Variants in SRRM4 observed in about 807,000 individuals in gnomAD.
The protein encoded by SRRM4 is serine/arginine repetitive matrix 4, also known as serine/arginine repetitive matrix protein 4.
SRRM4 carries 33 observed loss-of-function variants against 68.9 expected under a neutral mutation model. The ratio of observed to expected loss-of-function variants is 0.48; its 90% confidence interval spans 0.36 to 0.64. The LOEUF is 0.64. SRRM4 is among the 30% of genes least tolerant of loss of function. The probability of loss-of-function intolerance (pLI) is 0.00; values close to 1 mark genes in which losing one functional copy is unlikely to be tolerated. For missense variants in SRRM4, 817 were observed against 827.1 expected (o/e 0.99, Z 0.15); for synonymous variants, 318 against 318.8 (o/e 1.00, Z 0.03).
In SRRM4 at chr12:119,122,118, A is replaced by G; in HGVS notation, c.513A>G (p.Lys171=). 4.4e-6 allele frequency: 7 copies of G among 1,607,480 alleles called. No individual in the cohort carries two copies. Among genetic ancestry groups the G allele is most frequent in the Non-Finnish European group, 6.0e-6 (7 of 1,173,994 alleles). The change falls in exon 6 of 13, where the codon AAA becomes AAG. Residue 171 remains lysine, a splice_region_variant and synonymous_variant. Coordinates refer to ENST00000267260, the MANE Select transcript of SRRM4 (RefSeq NM_194286.4). The part of the protein sequence containing the change: ...SKRRDEKRHK[K]QSRSRPRKSH... ...GAAGAGATGAGAAGAGGCACAAGAA[A>G]CAGTAAGTAGATACTACCTGGAATG...
At chr12:119,016,694 T>G (rs1275057223) in intron 1 of SRRM4, among the ~76,000 whole-genome samples, 1 of 152,226 alleles carries the variant, frequency 6.6e-6, no homozygotes, top group African/African-American at 2.4e-5. Context: ...ATTTACTTTT[T>G]CTTAATTCTG....
At chr12:119,103,291 T>C (rs1021657008) in intron 2 of SRRM4, among the ~76,000 whole-genome samples, 1 of 152,148 alleles carries the variant, frequency 6.6e-6, no homozygotes, top group African/African-American at 2.4e-5. Flanking sequence ...TGGGGCTACA[T>C]GTGAATGTTT....
At chr12:119,019,562 T>C (rs1266326351) in intron 1 of SRRM4, among the ~76,000 whole-genome samples, 1 of 152,200 alleles carries the variant, frequency 6.6e-6, no homozygotes, top group Non-Finnish European at 1.5e-5. Flanking sequence ...CCTTCTCTGT[T>C]GGCAACTGCT....
intron 1 of SRRM4, among the ~76,000 whole-genome samples, chr12:119,034,770 T>C (rs937948128): frequency 1.3e-5 from 2 of 152,216 alleles, no homozygotes; most frequent in Non-Finnish European, 2.9e-5. Context: ...TATTTGCTTG[T>C]GGACACTTTC....
In SRRM4 at chr12:119,114,886, C is replaced by A. The variant is rs7305897; in HGVS notation, c.365+522C>A. 1.2e-4 allele frequency among the ~76,000 whole-genome samples: 18 copies of A among 151,598 alleles called. No individual in the cohort carries two copies. In the East Asian group the frequency reaches 3.1e-3, roughly 26 times the overall value. ...TCACTGTGTTAGCCAGGATGGTCTCCATCTCCTGACCTTGTGATCCGCCTG... is the reference window on the plus strand; with the variant it reads ...TCACTGTGTTAGCCAGGATGGTCTCAATCTCCTGACCTTGTGATCCGCCTG... On this transcript the variant is annotated intron_variant, in intron 3 of 12. Transcript: ENST00000267260.
chr12:118,982,767 A>G (rs1299765905), intron 1 of SRRM4, among the ~76,000 whole-genome samples: 3 of 146,464 alleles, frequency 2.0e-5, no homozygotes, highest in Non-Finnish European at 4.5e-5. Context: ...CATGGTGCTG[A>G]TGGAAGGAAG....
chr12:119,041,908 G>A (rs550284689), intron 1 of SRRM4, among the ~76,000 whole-genome samples: 24 of 152,256 alleles, frequency 1.6e-4, no homozygotes, highest in African/African-American at 5.5e-4. Context: ...AGCATGGCTT[G>A]GTCCTACCAG....
At chr12:119,002,566 T>C (rs932361159) in intron 1 of SRRM4, among the ~76,000 whole-genome samples, 4 of 152,218 alleles carry the variant, frequency 2.6e-5, no homozygotes, top group African/African-American at 9.7e-5. Flanking sequence ...TTGAAGTGTT[T>C]ATTTCCCATT....
chr12:119,025,360 A>G (rs1953541292), intron 1 of SRRM4, among the ~76,000 whole-genome samples: 1 of 151,922 alleles, frequency 6.6e-6, no homozygotes, highest in African/African-American at 2.4e-5. Flanking sequence ...CAGAGTCCAG[A>G]TCATGGAGGT....
chr12:119,082,433 A>G (rs1953954637), intron 1 of SRRM4, among the ~76,000 whole-genome samples: 1 of 152,206 alleles, frequency 6.6e-6, no homozygotes, highest in Admixed American at 6.5e-5. Context: ...GATCTTCTCA[A>G]ATGGGCTGCT....
chr12:119,130,170 T>G (rs1047183102), intron 7 of SRRM4, among the ~76,000 whole-genome samples: 1 of 150,962 alleles, frequency 6.6e-6, no homozygotes, highest in Non-Finnish European at 1.5e-5. Flanking sequence ...GATGAATGAA[T>G]GGTTGGATGG....
intron 1 of SRRM4, among the ~76,000 whole-genome samples, chr12:118,987,232 A>C (rs1166426656): frequency 1.3e-5 from 2 of 152,134 alleles, no homozygotes; most frequent in African/African-American, 4.8e-5. Context: ...GAATGAGATA[A>C]TTTATATAAA....
At chr12:119,006,312 T>C (rs1335665613) in intron 1 of SRRM4, among the ~76,000 whole-genome samples, 2 of 147,892 alleles carry the variant, frequency 1.4e-5, no homozygotes, top group Non-Finnish European at 3.0e-5. Context: ...CGATGGTGTG[T>C]GAGAAGAGAC....
intron 1 of SRRM4, among the ~76,000 whole-genome samples, chr12:119,040,145 TAATAAC>T (rs1339174919): frequency 1.3e-5 from 2 of 152,178 alleles, no homozygotes; most frequent in African/African-American, 2.4e-5. Context: ...GTCCCTACAT[TAATAAC>T]AATAAGAACA....
Position 119,054,338 on chromosome 12 carries a change from A to G in SRRM4, c.132-47898A>G, listed in dbSNP as rs528205123. 3.9e-5 allele frequency among the ~76,000 whole-genome samples: 6 copies of G among 152,288 alleles called. No homozygotes were observed. In the South Asian group the frequency reaches 1.2e-3, roughly 32 times the overall value. ...TGCCAGATGCTGTTATAATCCTTAGATATGTATATTATCTCATTTAACATC... is the reference window on the plus strand; with the variant it reads ...TGCCAGATGCTGTTATAATCCTTAGGTATGTATATTATCTCATTTAACATC... On this transcript the variant is annotated intron_variant, in intron 1 of 12. Transcript: ENST00000267260.
intron 1 of SRRM4, among the ~76,000 whole-genome samples, chr12:119,072,423 T>C (rs903557798): frequency 1.3e-5 from 2 of 152,114 alleles, no homozygotes; most frequent in African/African-American, 4.8e-5. Context: ...ATCTCTCATT[T>C]GAGGGAAGGA....
intron 1 of SRRM4, among the ~76,000 whole-genome samples, chr12:119,032,432 T>A (rs369445698): frequency 3.3e-5 from 5 of 152,356 alleles, no homozygotes; most frequent in South Asian, 4.1e-4. Flanking sequence ...GACATTTCAA[T>A]TACATCTGTA....
At chr12:119,070,238 C>A (rs1447346491) in intron 1 of SRRM4, among the ~76,000 whole-genome samples, 1 of 151,496 alleles carries the variant, frequency 6.6e-6, no homozygotes, top group Non-Finnish European at 1.5e-5. Flanking sequence ...AAAAAACTAG[C>A]CACTTTTTAC....
chr12:118,992,197 T>C (rs1302045671), intron 1 of SRRM4: 3 of 152,206 alleles, frequency 2.0e-5, no homozygotes, highest in Admixed American at 6.5e-5. Flanking sequence ...AGGTCTGTAG[T>C]CTGCAGGTGA....
Sources: gnomAD v4.1 joint callset for allele counts (sites outside exome capture counted in the v4.1 genomes callset) on GRCh38, gnomAD v4.1.1 for gene constraint, MANE v1.5 for transcripts, NCBI Gene and HGNC (gene_info 2026-07-23, HGNC 2026-07-21) for gene names.